The following SLC35D4 variants were observed in gnomAD, a reference collection of about 807,000 sequenced individuals.
SLC35D4 encodes UDP-N-acetylglucosamine transporter SLC35D4.
the SLC35D4 span, among the ~76,000 whole-genome samples, chr18:23,376,205 A>G: frequency 6.6e-6 from 1 of 152,264 alleles, no homozygotes; most frequent in East Asian, 1.9e-4. Flanking sequence ...TTTTATATGT[A>G]CACATAAACA....
the SLC35D4 span, among the ~76,000 whole-genome samples, chr18:23,366,365 C>A: frequency 6.6e-6 from 1 of 152,222 alleles, no homozygotes; most frequent in South Asian, 2.1e-4. Context: ...CCCTCTGCAA[C>A]CTCTTCTATC....
chr18:23,409,043 G>A, the SLC35D4 span, among the ~76,000 whole-genome samples: 3 of 151,912 alleles, frequency 2.0e-5, no homozygotes, highest in African/African-American at 7.3e-5. Context: ...GCTGAGGCAG[G>A]AGAATTGCTT....
At chr18:23,264,021 C>T in the SLC35D4 span, among the ~76,000 whole-genome samples, 1 of 152,234 alleles carries the variant, frequency 6.6e-6, no homozygotes, top group African/African-American at 2.4e-5. Context: ...GCCTGGTACA[C>T]AGAATTCACC....
chr18:23,434,194 C>G, the SLC35D4 span, among the ~76,000 whole-genome samples: 2 of 152,092 alleles, frequency 1.3e-5, no homozygotes, highest in Non-Finnish European at 2.9e-5. Flanking sequence ...ACCTACCTGG[C>G]TCTCCCATCT....
chr18:23,398,874 T>A, the SLC35D4 span, among the ~76,000 whole-genome samples: 7 of 152,230 alleles, frequency 4.6e-5, no homozygotes, highest in African/African-American at 9.6e-5. Flanking sequence ...TAAAAACAGT[T>A]AGTAGTCATG....
chr18:23,399,676 C>T, the SLC35D4 span: 2 of 1,610,254 alleles, frequency 1.2e-6, no homozygotes, highest in South Asian at 1.1e-5. Context: ...AGCAATAACA[C>T]TTTTGCCACT....
chr18:23,293,734 G>A, the SLC35D4 span, among the ~76,000 whole-genome samples: 1 of 152,314 alleles, frequency 6.6e-6, no homozygotes, highest in South Asian at 2.1e-4. Context: ...ACACTCCCCT[G>A]CCGGTATTGA....
chr18:23,294,159 C>T, the SLC35D4 span, among the ~76,000 whole-genome samples: 9 of 152,040 alleles, frequency 5.9e-5, no homozygotes, highest in African/African-American at 1.7e-4. Context: ...AACCTTGCCT[C>T]TCCTAATAGA....
At chr18:23,363,364 ATTT>A in the SLC35D4 span, among the ~76,000 whole-genome samples, 33 of 90,454 alleles carry the variant, frequency 3.6e-4, no homozygotes, top group African/African-American at 1.3e-3. Flanking sequence ...ACAAAAGCAC[ATTT>A]TTTTTTTTTT....
At chr18:23,428,819 C>A in the SLC35D4 span, among the ~76,000 whole-genome samples, 3 of 152,168 alleles carry the variant, frequency 2.0e-5, no homozygotes, top group Middle Eastern at 0.01. Context: ...GGTAGTTTTT[C>A]AATCCTTACT....
At chr18:23,361,122 A>AAAG in the SLC35D4 span, among the ~76,000 whole-genome samples, 1 of 144,086 alleles carries the variant, frequency 6.9e-6, no homozygotes, top group African/African-American at 2.5e-5. Flanking sequence ...AAAAAAAAAA[A>AAAG]AAAGAAAAAG....
chr18:23,436,280 G>A, the SLC35D4 span, among the ~76,000 whole-genome samples: 2 of 149,444 alleles, frequency 1.3e-5, no homozygotes, highest in African/African-American at 4.9e-5. Context: ...CACCCGCCTC[G>A]GCCTCCCAAA....
chr18:23,337,411 C>T, the SLC35D4 span, among the ~76,000 whole-genome samples: 2 of 151,454 alleles, frequency 1.3e-5, no homozygotes, highest in African/African-American at 4.8e-5. Flanking sequence ...GGAGGCGGAA[C>T]TTGCAGTGAG....
chr18:23,246,265 C>A, the SLC35D4 span, among the ~76,000 whole-genome samples: 16 of 140,802 alleles, frequency 1.1e-4, no homozygotes, highest in Non-Finnish European at 7.7e-5. Context: ...GACTCCATCT[C>A]AAAAAAAAAA....
chr18:23,275,613 T>TGCCGTGCC, the SLC35D4 span, among the ~76,000 whole-genome samples: 31 of 128,070 alleles, frequency 2.4e-4, 1 homozygote, highest in African/African-American at 8.4e-4. Context: ...TGTGCTGTGC[T>TGCCGTGCC]GTGCTGTGCT....
the SLC35D4 span, among the ~76,000 whole-genome samples, chr18:23,285,044 T>C: frequency 6.6e-6 from 1 of 152,178 alleles, no homozygotes; most frequent in Non-Finnish European, 1.5e-5. Context: ...AGCCATCATA[T>C]CCCCTGTGAC....
the SLC35D4 span, among the ~76,000 whole-genome samples, chr18:23,428,189 T>G: frequency 5.9e-5 from 8 of 136,446 alleles, no homozygotes; most frequent in Non-Finnish European, 3.3e-5. Flanking sequence ...TTAAAAGAAT[T>G]TATTAAATTA....
chr18:23,366,060 C>T, the SLC35D4 span, among the ~76,000 whole-genome samples: 3 of 152,290 alleles, frequency 2.0e-5, no homozygotes, highest in East Asian at 3.9e-4. Flanking sequence ...GTGTGAGCTA[C>T]GTATATTTTT....
At chr18:23,304,964 C>CA in the SLC35D4 span, among the ~76,000 whole-genome samples, 1 of 152,224 alleles carries the variant, frequency 6.6e-6, no homozygotes, top group Non-Finnish European at 1.5e-5. Context: ...CTATCTGATC[C>CA]ATCCAATGAA....
Sources: gnomAD v4.1 joint callset for allele counts (sites outside exome capture counted in the v4.1 genomes callset) on GRCh38, gnomAD v4.1.1 for gene constraint, MANE v1.5 for transcripts, NCBI Gene and HGNC (gene_info 2026-07-23, HGNC 2026-07-21) for gene names.